Variants in TSPAN9 observed in about 807,000 individuals in gnomAD.
TSPAN9 encodes the protein tetraspanin-9.
TSPAN9 carries 16 observed loss-of-function variants against 31.0 expected under a neutral mutation model. The observed-to-expected ratio is 0.52, with a 90% CI of 0.35 to 0.78. The LOEUF (loss-of-function observed/expected upper bound fraction) is 0.78. TSPAN9 is among the 30% of genes least tolerant of loss of function. TSPAN9 has a pLI of 0.01. For missense variants in TSPAN9, 272 were observed against 312.5 expected, an observed-to-expected ratio of 0.87 and a Z score of 0.98; for synonymous variants, 145 against 121.6, an observed-to-expected ratio of 1.19 and a Z score of -1.27.
chr12:3,169,273 A>C (rs911019347), intron 2 of TSPAN9, among the ~76,000 whole-genome samples: 1 of 152,156 alleles, frequency 6.6e-6, no homozygotes, highest in African/African-American at 2.4e-5. Flanking sequence ...GGAAGGTTTG[A>C]TTGGCTTTGG....
intron 2 of TSPAN9, among the ~76,000 whole-genome samples, chr12:3,185,094 C>A (rs190619481): frequency 6.6e-6 from 1 of 152,314 alleles, no homozygotes; most frequent in Non-Finnish European, 1.5e-5. Flanking sequence ...TCTCCCTAGA[C>A]CACTTCCATC....
intron 2 of TSPAN9, among the ~76,000 whole-genome samples, chr12:3,165,179 G>C (rs963208566): frequency 6.6e-6 from 1 of 152,190 alleles, no homozygotes; most frequent in Non-Finnish European, 1.5e-5. Flanking sequence ...GCTGGGGGAA[G>C]GGAGGCCTAA....
At chr12:3,119,863 G>T (rs185299787) in intron 2 of TSPAN9, among the ~76,000 whole-genome samples, 2 of 152,130 alleles carry the variant, frequency 1.3e-5, no homozygotes, top group Non-Finnish European at 2.9e-5. Flanking sequence ...GGGGAAGTAC[G>T]GTGCCCTGTC....
At chr12:3,142,647 G>A (rs148820443) in intron 2 of TSPAN9, among the ~76,000 whole-genome samples, 1,550 of 152,138 alleles carry the variant, frequency 0.01, 25 homozygotes, top group African/African-American at 0.035. Flanking sequence ...TGCCCCCTGC[G>A]CCATGCTCTT....
intron 3 of TSPAN9, among the ~76,000 whole-genome samples, chr12:3,268,633 T>TGTGCGTTCCTGCAGCCTGCCCTAC (rs1862592640): frequency 1.2e-5 from 1 of 84,032 alleles, no homozygotes; most frequent in Admixed American, 1.2e-4. Context: ...GCCTGCCCTC[T>TGTGCGTTCCTGCAGCCTGCCCTAC]GTGCGTTCCT....
intron 2 of TSPAN9, among the ~76,000 whole-genome samples, chr12:3,096,433 C>CTTTTTTTTTTTTTTTTTTTTTTT (rs1302577208): frequency 1.3e-5 from 2 of 152,238 alleles, no homozygotes; most frequent in East Asian, 1.9e-4. Context: ...TGCATTGTCT[C>CTTTTTTTTTTTTTTTTTTTTTTT]TTTATTCCTT....
chr12:3,268,826 G>A (rs536353125), intron 3 of TSPAN9, among the ~76,000 whole-genome samples: 14 of 76,744 alleles, frequency 1.8e-4, no homozygotes, highest in African/African-American at 6.0e-4. Flanking sequence ...CCTGCCCTCC[G>A]TGCATTCCTG....
chr12:3,224,698 A>G (rs919019045), intron 3 of TSPAN9, among the ~76,000 whole-genome samples: 2 of 152,220 alleles, frequency 1.3e-5, no homozygotes, highest in Non-Finnish European at 2.9e-5. Flanking sequence ...ACCCAGATGC[A>G]CGTACTGCGC....
intron 2 of TSPAN9, among the ~76,000 whole-genome samples, chr12:3,153,846 A>ATG (rs370813097): frequency 6.8e-4 from 71 of 103,930 alleles, no homozygotes; most frequent in East Asian, 1.2e-3. Flanking sequence ...TTATATATAT[A>ATG]TGTGTGTGTG....
intron 2 of TSPAN9, among the ~76,000 whole-genome samples, chr12:3,098,876 G>A (rs1403646307): frequency 6.6e-6 from 1 of 151,594 alleles, no homozygotes; most frequent in Non-Finnish European, 1.5e-5. Flanking sequence ...TCAACCTCCT[G>A]AGTAGCCATG....
At chr12:3,260,475 G>A (rs140775496) in intron 3 of TSPAN9, among the ~76,000 whole-genome samples, 191 of 152,296 alleles carry the variant, frequency 1.3e-3, no homozygotes, top group African/African-American at 4.3e-3. Flanking sequence ...AACCAGCTGG[G>A]GCTACACAGA....
chr12:3,136,824 C>T (rs34195345), intron 2 of TSPAN9, among the ~76,000 whole-genome samples: 25,984 of 152,014 alleles, frequency 0.17, 2,321 homozygotes, highest in Middle Eastern at 0.24. Flanking sequence ...ATAGTGTACC[C>T]CTCAGCTGGA....
chr12:3,120,168 C>A (rs2098324437), intron 2 of TSPAN9, among the ~76,000 whole-genome samples: 1 of 152,180 alleles, frequency 6.6e-6, no homozygotes, highest in African/African-American at 2.4e-5. Flanking sequence ...TTAATGTATG[C>A]TTTGGAATGA....
At chr12:3,081,844 GTATATA>G (rs57307487) in intron 1 of TSPAN9, among the ~76,000 whole-genome samples, 4 of 116,770 alleles carry the variant, frequency 3.4e-5, no homozygotes, top group Admixed American at 1.8e-4. Context: ...GTCTGTGTGT[GTATATA>G]TATGCCAGGT....
At chr12:3,236,049 G>A (rs1003559) in intron 3 of TSPAN9, among the ~76,000 whole-genome samples, 3 of 152,108 alleles carry the variant, frequency 2.0e-5, no homozygotes, top group African/African-American at 7.2e-5. Context: ...GCAAACTTCC[G>A]CAGGGCTAGG....
chr12:3,255,992 A>G (rs1355860582), intron 3 of TSPAN9, among the ~76,000 whole-genome samples: 1 of 152,194 alleles, frequency 6.6e-6, no homozygotes, highest in African/African-American at 2.4e-5. Context: ...TATGTCTTTC[A>G]GGCAGGGCTG....
At chr12:3,135,825 G>T (rs1047736816) in intron 2 of TSPAN9, among the ~76,000 whole-genome samples, 4 of 152,168 alleles carry the variant, frequency 2.6e-5, no homozygotes, top group East Asian at 3.9e-4. Flanking sequence ...CCTCTCAGAC[G>T]TACCCTGTGT....
Position 3,170,460 on chromosome 12 carries a change from T to C in TSPAN9, c.-17-30717T>C, listed in dbSNP as rs1197446593. Among the ~76,000 whole-genome samples the C allele has an allele frequency of 2.0e-5, 3 of 152,190 alleles. No individual in the cohort carries two copies. Among genetic ancestry groups the C allele is most frequent in the Non-Finnish European group, 4.4e-5 (3 of 68,040 alleles). ...ACTCAGACTCCAAAGGCAAACCTTATAATTAAAAGACTTTTAGAAGCAGAG... is the reference window on the plus strand; with the variant it reads ...ACTCAGACTCCAAAGGCAAACCTTACAATTAAAAGACTTTTAGAAGCAGAG... On this transcript the variant is annotated intron_variant, in intron 2 of 8. Coordinates refer to ENST00000011898, the MANE Select transcript of TSPAN9 (RefSeq NM_006675.5). The surrounding 1 kb of genome is among the most constrained non-coding windows in gnomAD (Gnocchi z 4.4).
Position 3,077,667 on chromosome 12 carries a change from G to A in TSPAN9, c.-85+214G>A, listed in dbSNP as rs535937618. Among the ~76,000 whole-genome samples, 6 of 145,256 alleles carry A rather than the reference G, an allele frequency of 4.1e-5. No individual in the cohort carries two copies. In the South Asian group the frequency reaches 1.4e-3, roughly 34 times the overall value. ...AGGCGCCGTGCGGGAAGCGGGCCGG[G>A]AAGGGGAGGGTGGGTGCGGGGCCCG... is the stretch of plus-strand genomic sequence containing the variant. On this transcript the variant is annotated intron_variant, in intron 1 of 8. Transcript: ENST00000011898.
Sources: gnomAD v4.1 joint callset for allele counts (sites outside exome capture counted in the v4.1 genomes callset) on GRCh38, gnomAD v4.1.1 for gene constraint, Gnocchi (gnomAD v3.1) non-coding constraint, MANE v1.5 for transcripts, NCBI Gene and HGNC (gene_info 2026-07-23, HGNC 2026-07-21) for gene names.